MSI2: variants seen among roughly 807,000 people sequenced by gnomAD.
The protein encoded by MSI2 is musashi RNA binding protein 2.
In MSI2, 17 loss-of-function variants were observed where a neutral mutation model predicts 45.6. The observed-to-expected ratio is 0.37, with a 90% CI of 0.26 to 0.56. The LOEUF is 0.56. Among genes scored for constraint, MSI2 ranks in the 20% least tolerant of loss-of-function variants. The probability of loss-of-function intolerance (pLI) is 0.77; values close to 1 mark genes in which losing one functional copy is unlikely to be tolerated. For missense variants in MSI2, 293 were observed against 444.2 expected, an observed-to-expected ratio of 0.66 and a Z score of 3.06; for synonymous variants, 156 against 158.2, an observed-to-expected ratio of 0.99 and a Z score of 0.11.
intron 5 of MSI2, among the ~76,000 whole-genome samples, chr17:57,396,668 C>A (rs2083896521): frequency 6.6e-6 from 1 of 152,170 alleles, no homozygotes; most frequent in South Asian, 2.1e-4. Context: ...CTGGGGTTTT[C>A]TTTATGGAGC....
intron 1 of MSI2, 115 bp from the exon 2 acceptor site, chr17:57,256,983 C>A: frequency 6.4e-7 from 1 of 1,574,454 alleles, no homozygotes; most frequent in African/African-American, 1.4e-5. Context: ...CCCACCCCAC[C>A]TCCCGGCTCT....
intron 6 of MSI2, among the ~76,000 whole-genome samples, chr17:57,413,366 T>C (rs972060757): frequency 1.5e-4 from 22 of 149,908 alleles, no homozygotes; most frequent in Non-Finnish European, 3.1e-4. Context: ...TCCATCCGGC[T>C]ACCCCGCTGC....
chr17:57,655,280 C>T (rs1471302314), intron 11 of MSI2, among the ~76,000 whole-genome samples: 2 of 152,166 alleles, frequency 1.3e-5, no homozygotes, highest in African/African-American at 4.8e-5. Flanking sequence ...TTCTTGTGCT[C>T]AGTCGAGAGT....
At chr17:57,557,146 T>A (rs1237485714) in intron 7 of MSI2, among the ~76,000 whole-genome samples, 1 of 152,172 alleles carries the variant, frequency 6.6e-6, no homozygotes, top group Non-Finnish European at 1.5e-5. Flanking sequence ...GCCAAAGGCA[T>A]GGCAGATGGT....
At chr17:57,269,470 A>G (rs912154449) in intron 5 of MSI2, among the ~76,000 whole-genome samples, 18 of 152,124 alleles carry the variant, frequency 1.2e-4, no homozygotes, top group African/African-American at 3.1e-4. Flanking sequence ...AATGCAGGCT[A>G]TGTTCTCTCT....
the MSI2 span, among the ~76,000 whole-genome samples, chr17:57,699,034 AGAGAGAGAGAGT>A: frequency 0.02 from 1,807 of 89,632 alleles, 227 homozygotes; most frequent in Non-Finnish European, 0.025. Flanking sequence ...AGAGAGAGAG[AGAGAGAGAGAGT>A]GTGTGTGTGT....
chr17:57,343,672 T>G (rs1016032416), intron 5 of MSI2, among the ~76,000 whole-genome samples: 1 of 152,232 alleles, frequency 6.6e-6, no homozygotes, highest in Non-Finnish European at 1.5e-5. Flanking sequence ...AATCTGTCCT[T>G]TATAGAATTC....
chr17:57,400,466 G>C (rs917344512), intron 5 of MSI2, among the ~76,000 whole-genome samples: 1 of 152,108 alleles, frequency 6.6e-6, no homozygotes, highest in Non-Finnish European at 1.5e-5. Flanking sequence ...AAAACATTCA[G>C]TGTTGGTTTC....
At chr17:57,386,533 G>A (rs572195247) in intron 5 of MSI2, among the ~76,000 whole-genome samples, 1 of 152,268 alleles carries the variant, frequency 6.6e-6, no homozygotes, top group South Asian at 2.1e-4. Flanking sequence ...TAGGAATACA[G>A]GGGTGCACCA....
chr17:57,344,581 C>T (rs1209803161), intron 5 of MSI2, among the ~76,000 whole-genome samples: 1 of 152,172 alleles, frequency 6.6e-6, no homozygotes, highest in Non-Finnish European at 1.5e-5. Flanking sequence ...CGTCTTTGCT[C>T]AATGTTACTG....
chr17:57,533,928 A>T (rs556635043), intron 7 of MSI2, among the ~76,000 whole-genome samples: 1 of 152,342 alleles, frequency 6.6e-6, no homozygotes, highest in African/African-American at 2.4e-5. Context: ...GAGGTCCTTC[A>T]TTCCTGAAGG....
chr17:57,609,231 C>T (rs989913644), intron 8 of MSI2, among the ~76,000 whole-genome samples: 1 of 152,176 alleles, frequency 6.6e-6, no homozygotes, highest in Non-Finnish European at 1.5e-5. Context: ...GCTGATCAGG[C>T]GCAAGACCAG....
the MSI2 span, among the ~76,000 whole-genome samples, chr17:57,699,146 G>A: frequency 3.4e-4 from 9 of 26,160 alleles, no homozygotes; most frequent in South Asian, 1.1e-3. Flanking sequence ...AGGAAGAGGC[G>A]AGGAGAGAGA....
chr17:57,461,931 TAGTTTCCTAGG>T (rs2085237904), intron 6 of MSI2, among the ~76,000 whole-genome samples: 1 of 152,166 alleles, frequency 6.6e-6, no homozygotes, highest in African/African-American at 2.4e-5. Flanking sequence ...CTTTCTGTAT[TAGTTTCCTAGG>T]GCTGCCATAA....
chr17:57,279,982 A>G (rs1379604733), intron 5 of MSI2: 1 of 151,650 alleles, frequency 6.6e-6, no homozygotes, highest in Non-Finnish European at 1.5e-5. Context: ...CATAAATGCT[A>G]TACATCCATG....
intron 6 of MSI2, among the ~76,000 whole-genome samples, chr17:57,496,478 G>A (rs536543168): frequency 6.6e-6 from 1 of 152,308 alleles, no homozygotes; most frequent in East Asian, 1.9e-4. Flanking sequence ...CGGTGAGGCC[G>A]CCACCACCTT....
intron 6 of MSI2, among the ~76,000 whole-genome samples, chr17:57,519,962 C>T (rs573858959): frequency 1.3e-5 from 2 of 152,074 alleles, no homozygotes; most frequent in Non-Finnish European, 1.5e-5. Context: ...GAGGCTGAGT[C>T]GGGAGGATCG....
chr17:57,459,336 G>A (rs571953689), intron 6 of MSI2, among the ~76,000 whole-genome samples: 8 of 152,164 alleles, frequency 5.3e-5, no homozygotes, highest in Non-Finnish European at 8.8e-5. Flanking sequence ...ATGGGATGCC[G>A]CACGGGGGCA....
At chr17:57,371,718 G>A (rs1459765810) in intron 5 of MSI2, among the ~76,000 whole-genome samples, 7 of 151,936 alleles carry the variant, frequency 4.6e-5, no homozygotes, top group African/African-American at 1.7e-4. Flanking sequence ...TAGCTGGTTA[G>A]TGATTTATTA....
Sources: gnomAD v4.1 joint callset for allele counts (sites outside exome capture counted in the v4.1 genomes callset) on GRCh38, gnomAD v4.1.1 for gene constraint, MANE v1.5 for transcripts, NCBI Gene and HGNC (gene_info 2026-07-23, HGNC 2026-07-21) for gene names.